The following TSPAN13 variants were observed in gnomAD, a reference collection of about 807,000 sequenced individuals.
The protein encoded by TSPAN13 is tetraspanin-13.
TSPAN13 carries 18 observed loss-of-function variants against 26.9 expected under a neutral mutation model. The ratio of observed to expected loss-of-function variants is 0.67; its 90% CI spans 0.46 to 0.99. The LOEUF (loss-of-function observed/expected upper bound fraction) is 0.99. Ranked by LOEUF, TSPAN13 falls within the 50% of genes least tolerant of loss-of-function variation. The pLI is 0.00. For missense variants in TSPAN13, 201 were observed against 249.6 expected, an observed-to-expected ratio of 0.81 and a Z score of 1.31; for synonymous variants, 116 against 98.4, an observed-to-expected ratio of 1.18 and a Z score of -1.06.
chr7:16,760,060 A>G (rs1217653573), intron 1 of TSPAN13, among the ~76,000 whole-genome samples: 2 of 152,146 alleles, frequency 1.3e-5, no homozygotes, highest in African/African-American at 4.8e-5. Flanking sequence ...CAAGCAGTAC[A>G]ATGCAGGAAA....
chr7:16,775,018 G>C (rs1323225969), intron 1 of TSPAN13, among the ~76,000 whole-genome samples: 1 of 152,178 alleles, frequency 6.6e-6, no homozygotes. Context: ...AGATGCATTT[G>C]AGTAAGTGGT....
At chr7:16,769,399 C>G (rs1368892387) in intron 1 of TSPAN13, among the ~76,000 whole-genome samples, 1 of 152,144 alleles carries the variant, frequency 6.6e-6, no homozygotes, top group Non-Finnish European at 1.5e-5. Flanking sequence ...GCAGCAGATA[C>G]AAGCTTTTCT....
intron 1 of TSPAN13, among the ~76,000 whole-genome samples, chr7:16,768,023 C>A (rs1784627118): frequency 6.6e-6 from 1 of 152,214 alleles, no homozygotes; most frequent in African/African-American, 2.4e-5. Context: ...AGCGATTCTC[C>A]TGCCTCAGCC....
At chr7:16,762,282 C>G (rs1341840063) in intron 1 of TSPAN13, among the ~76,000 whole-genome samples, 2 of 152,170 alleles carry the variant, frequency 1.3e-5, no homozygotes, top group Non-Finnish European at 2.9e-5. Flanking sequence ...ATATCATGTG[C>G]TCTTTGATTC....
intron 1 of TSPAN13, among the ~76,000 whole-genome samples, chr7:16,761,689 AAT>A: frequency 8.9e-6 from 1 of 112,410 alleles, no homozygotes; most frequent in African/African-American, 3.8e-5. Flanking sequence ...CCAGCTAATT[AAT>A]TTTTTTTTTT....
At chr7:16,783,344 A>C in intron 5 of TSPAN13, 73 bp from the exon 6 acceptor site, 169 of 1,332,904 alleles carry the variant, frequency 1.3e-4, no homozygotes, top group Non-Finnish European at 1.7e-4. Context: ...AAGTTATTTT[A>C]TTGATCAACT....
intron 1 of TSPAN13, among the ~76,000 whole-genome samples, chr7:16,754,501 T>C (rs1487590289): frequency 6.6e-6 from 1 of 152,198 alleles, no homozygotes; most frequent in Non-Finnish European, 1.5e-5. Context: ...GCCTCTGGGT[T>C]AGCTCTTGGT....
intron 1 of TSPAN13, among the ~76,000 whole-genome samples, chr7:16,758,075 TC>T (rs1350270234): frequency 1.3e-5 from 2 of 152,106 alleles, no homozygotes; most frequent in African/African-American, 4.8e-5. Context: ...CCTCAGGCGA[TC>T]CACCCGCCTC....
intron 1 of TSPAN13, among the ~76,000 whole-genome samples, chr7:16,770,390 G>C (rs978249011): frequency 1.3e-5 from 2 of 151,780 alleles, no homozygotes; most frequent in African/African-American, 4.8e-5. Context: ...AAAATATTTT[G>C]GTAGAGACAG....
chr7:16,768,393 A>G (rs1024648569), intron 1 of TSPAN13, among the ~76,000 whole-genome samples: 6 of 152,190 alleles, frequency 3.9e-5, no homozygotes, highest in African/African-American at 1.4e-4. Flanking sequence ...TCCCAGCTCT[A>G]TCCCTTCCTT....
At chr7:16,765,139 G>C (rs775231820) in intron 1 of TSPAN13, among the ~76,000 whole-genome samples, 6 of 152,092 alleles carry the variant, frequency 3.9e-5, no homozygotes, top group Non-Finnish European at 7.4e-5. Context: ...GTCTTGCTCT[G>C]TTGCCCAGGC....
At chr7:16,759,526 T>C (rs1033305756) in intron 1 of TSPAN13, among the ~76,000 whole-genome samples, 8 of 152,004 alleles carry the variant, frequency 5.3e-5, no homozygotes, top group African/African-American at 1.7e-4. Flanking sequence ...ACCTCCAACA[T>C]TGGGGATTAC....
Position 16,753,891 on chromosome 7 carries a change from C to A in TSPAN13, c.-77C>A. 1 of 1,486,400 alleles carries A rather than the reference C, an allele frequency of 6.7e-7. No homozygotes were observed. Among genetic ancestry groups the A allele is most frequent in the Non-Finnish European group, 9.2e-7 (1 of 1,083,266 alleles). 92.1% of individuals were successfully genotyped at this position (1,486,400 alleles called of 1,614,324 possible). A position where few individuals can be genotyped will look rare whatever the true frequency, so the allele number is the denominator to read the frequency against. On this transcript the variant is annotated 5_prime_UTR_variant, in exon 1 of 6. Transcript: ENST00000262067. The stretch of plus-strand genomic sequence containing the variant: ...CCCCGCCTGGGCCAGGCCCCAAAGG[C>A]AAGGACAAAGCAGCTGTCAGGGAAC...
At chr7:16,763,066 C>T (rs60598784) in intron 1 of TSPAN13, among the ~76,000 whole-genome samples, 2,010 of 152,236 alleles carry the variant, frequency 0.013, 39 homozygotes, top group African/African-American at 0.045. Context: ...CAACCATGGA[C>T]CTGCTCAGCG....
chr7:16,763,436 A>G (rs56937850), intron 1 of TSPAN13, among the ~76,000 whole-genome samples: 1 of 152,146 alleles, frequency 6.6e-6, no homozygotes, highest in East Asian at 1.9e-4. Context: ...TGGGACATCC[A>G]GTAGTTGGGT....
chr7:16,771,714 T>A (rs1784681610), intron 1 of TSPAN13, among the ~76,000 whole-genome samples: 1 of 152,224 alleles, frequency 6.6e-6, no homozygotes, highest in Non-Finnish European at 1.5e-5. Flanking sequence ...CCTCCAGAAC[T>A]GTAAGGCAAT....
intron 1 of TSPAN13, among the ~76,000 whole-genome samples, chr7:16,759,865 A>G (rs147039625): frequency 1.7e-4 from 26 of 152,148 alleles, no homozygotes; most frequent in Middle Eastern, 6.8e-3. Flanking sequence ...ATTTTAAAAA[A>G]TATTTTGTAG....
intron 5 of TSPAN13, among the ~76,000 whole-genome samples, chr7:16,780,114 T>C (rs1784799101): frequency 6.6e-6 from 1 of 151,762 alleles, no homozygotes; most frequent in Non-Finnish European, 1.5e-5. Context: ...TATTTATTTA[T>C]TTTGAGACAG....
chr7:16,779,538 G>A (rs1490099619), intron 5 of TSPAN13, among the ~76,000 whole-genome samples: 1 of 151,568 alleles, frequency 6.6e-6, no homozygotes, highest in African/African-American at 2.4e-5. Context: ...TTGAAAAATT[G>A]CCTTCCTACA....
Sources: gnomAD v4.1 joint callset for allele counts (sites outside exome capture counted in the v4.1 genomes callset) on GRCh38, gnomAD v4.1.1 for gene constraint, MANE v1.5 for transcripts, NCBI Gene and HGNC (gene_info 2026-07-23, HGNC 2026-07-21) for gene names.